PARD3B: variants seen among roughly 807,000 people sequenced by gnomAD.
PARD3B encodes par-3 family cell polarity regulator beta.
A neutral mutation model predicts 130.2 loss-of-function variants in PARD3B; 103 were observed. That is an observed-to-expected ratio of 0.79 (90% confidence interval 0.67 to 0.93). The LOEUF (loss-of-function observed/expected upper bound fraction) is 0.93. PARD3B is among the 40% of genes least tolerant of loss of function. PARD3B has a pLI of 0.00. For synonymous variants in PARD3B, 583 were observed against 553.2 expected, an observed-to-expected ratio of 1.05 and a Z score of -0.76; for missense variants, 1,609 against 1,499.2, an observed-to-expected ratio of 1.07 and a Z score of -1.21.
chr2:204,750,551 A>G (rs376388051), intron 2 of PARD3B, among the ~76,000 whole-genome samples: 5 of 152,266 alleles, frequency 3.3e-5, no homozygotes, highest in African/African-American at 9.6e-5. Flanking sequence ...GCACCACTGC[A>G]CTTCAGCCTT....
intron 2 of PARD3B, among the ~76,000 whole-genome samples, chr2:204,942,619 T>C (rs1470543621): frequency 2.0e-5 from 3 of 151,334 alleles, no homozygotes; most frequent in Non-Finnish European, 4.4e-5. Flanking sequence ...GTCATACAGG[T>C]ATTTAAAAAA....
At chr2:204,570,153 A>G (rs1187193535) in intron 1 of PARD3B, among the ~76,000 whole-genome samples, 2 of 152,222 alleles carry the variant, frequency 1.3e-5, no homozygotes, top group African/African-American at 4.8e-5. Context: ...TGAAGGCTAC[A>G]AAGTCACAAA....
chr2:204,566,656 CAT>C (rs2125063319), intron 1 of PARD3B, among the ~76,000 whole-genome samples: 1 of 152,242 alleles, frequency 6.6e-6, no homozygotes, highest in African/African-American at 2.4e-5. Context: ...TTGCGTAAGA[CAT>C]AGTATAAATT....
intron 4 of PARD3B, among the ~76,000 whole-genome samples, chr2:205,054,402 TTTTATATATA>T (rs1156522623): frequency 5.1e-5 from 2 of 39,286 alleles, no homozygotes; most frequent in African/African-American, 7.5e-5. Flanking sequence ...ATGACATGTC[TTTTATATATA>T]TATATATATA....
rs931451462 is a variant in PARD3B at position 205,078,180 on chromosome 2, A to C, written c.505-26246A>C. ...ATGAAAAGGTGCTTTTGTGTGGTTA[A>C]ATGTTTAACCTGAGCTAATTAGGAG... On this transcript the variant is annotated intron_variant, in intron 4 of 22. Transcript: ENST00000406610. This position sits in a 1 kb window ranked among gnomAD's most constrained non-coding sequence, Gnocchi z 4.0. Among the ~76,000 whole-genome samples the C allele has an allele frequency of 6.6e-6, 1 of 152,156 alleles. No homozygotes were observed. The highest frequency in any genetic ancestry group is 2.4e-5 in the African/African-American group (1 of 41,432).
At chr2:204,904,232 G>A (rs565572258) in intron 2 of PARD3B, among the ~76,000 whole-genome samples, 17 of 152,200 alleles carry the variant, frequency 1.1e-4, no homozygotes, top group Admixed American at 4.6e-4. Context: ...GATGGTTTCA[G>A]TAATTAAAAT....
At chr2:204,815,957 C>T (rs988253292) in intron 2 of PARD3B, among the ~76,000 whole-genome samples, 2 of 151,882 alleles carry the variant, frequency 1.3e-5, no homozygotes, top group Admixed American at 6.6e-5. Context: ...GATACCAATT[C>T]GGTTACATTG....
chr2:204,574,580 A>G (rs1191867163), intron 1 of PARD3B, among the ~76,000 whole-genome samples: 2 of 152,238 alleles, frequency 1.3e-5, no homozygotes, highest in East Asian at 3.8e-4. Context: ...AAGATTTTCT[A>G]GATTGAAGTA....
At chr2:204,771,606 C>G (rs892128193) in intron 2 of PARD3B, among the ~76,000 whole-genome samples, 1 of 152,034 alleles carries the variant, frequency 6.6e-6, no homozygotes, top group Non-Finnish European at 1.5e-5. Context: ...AATAGAAGCC[C>G]AAACATCAGC....
At chr2:204,780,590 T>C (rs1322493550) in intron 2 of PARD3B, among the ~76,000 whole-genome samples, 1 of 152,190 alleles carries the variant, frequency 6.6e-6, no homozygotes, top group Non-Finnish European at 1.5e-5. Context: ...TCACAAACAA[T>C]CTCTTTTTCC....
At chr2:204,709,002 G>A (rs1031137143) in intron 2 of PARD3B, among the ~76,000 whole-genome samples, 3 of 152,140 alleles carry the variant, frequency 2.0e-5, no homozygotes, top group Non-Finnish European at 4.4e-5. Context: ...TTCTAATTTA[G>A]CATAGTACAT....
intron 1 of PARD3B, among the ~76,000 whole-genome samples, chr2:204,646,243 A>G (rs1442622679): frequency 6.6e-6 from 1 of 152,102 alleles, no homozygotes; most frequent in Non-Finnish European, 1.5e-5. Flanking sequence ...CTCACGTGCC[A>G]CTGCTGAAAC....
chr2:205,503,573 T>C (rs2050238526), intron 21 of PARD3B, among the ~76,000 whole-genome samples: 1 of 152,282 alleles, frequency 6.6e-6, no homozygotes, highest in Non-Finnish European at 1.5e-5. Context: ...TTGGTTACTG[T>C]AGCCTTGTAG....
chr2:205,574,696 G>T (rs764734116), intron 22 of PARD3B, among the ~76,000 whole-genome samples: 20 of 152,010 alleles, frequency 1.3e-4, no homozygotes, highest in Admixed American at 8.5e-4. Flanking sequence ...AGGAGACAAA[G>T]CCCTTCCCTT....
rs1575552794 is a variant in PARD3B, at chr2:205,011,896, AT to A, written c.395-35682del. Among the ~76,000 whole-genome samples the A allele has an allele frequency of 6.6e-6, 1 of 151,994 alleles. No homozygotes were observed. Among genetic ancestry groups the A allele is most frequent in the East Asian group, 1.9e-4 (1 of 5,172 alleles). ...AGCCTACCCAGAAAATGCAACTCTG[AT>A]TTGTACAAGGAGGAGAGAAGAGAAT... On this transcript the variant is annotated intron_variant, in intron 3 of 22. Coordinates refer to ENST00000406610, the MANE Select transcript of PARD3B (RefSeq NM_001302769.2). The surrounding 1 kb of genome is among the most constrained non-coding windows in gnomAD (Gnocchi z 4.1).
intron 6 of PARD3B, among the ~76,000 whole-genome samples, chr2:205,117,915 G>GTACACACACACACA (rs1553617389): frequency 7.5e-6 from 1 of 133,500 alleles, no homozygotes; most frequent in Non-Finnish European, 1.6e-5. Context: ...ATGTATGTGT[G>GTACACACACACACA]TACACACACA....
At chr2:205,118,142 G>A (rs533024365) in intron 6 of PARD3B, among the ~76,000 whole-genome samples, 15 of 152,262 alleles carry the variant, frequency 9.9e-5, no homozygotes, top group African/African-American at 3.6e-4. Flanking sequence ...CGGAAGCGGG[G>A]TCTGCTAGAT....
At position 205,325,741 on chromosome 2, in the gene PARD3B, A is replaced by T. The variant is rs1030990873; in HGVS notation, c.2630+24040A>T. On this transcript the variant is annotated intron_variant, in intron 18 of 22. Coordinates refer to ENST00000406610, the MANE Select transcript of PARD3B (RefSeq NM_001302769.2). This position sits in a 1 kb window ranked among gnomAD's most constrained non-coding sequence, Gnocchi z 4.1. ...AGACATCCTATCTAGTAATAAGATA[A>T]GTAATTTTACTGGTGTCACTTTGGA... Among the ~76,000 whole-genome samples, 1 of 152,196 alleles carries T rather than the reference A, an allele frequency of 6.6e-6. No individual in the cohort carries two copies. Among genetic ancestry groups the T allele is most frequent in the Non-Finnish European group, 1.5e-5 (1 of 68,038 alleles).
chr2:205,279,070 CAAAAAAAAAAAA>C (rs57717513), intron 16 of PARD3B, among the ~76,000 whole-genome samples: 4 of 38,868 alleles, frequency 1.0e-4, no homozygotes, highest in African/African-American at 2.9e-4. Flanking sequence ...GAATCTGTCT[CAAAAAAAAAAAA>C]AAAAAAAAAA....
Sources: allele counts gnomAD v4.1 joint callset (sites outside exome capture counted in the v4.1 genomes callset), GRCh38; gene constraint gnomAD v4.1.1; non-coding constraint Gnocchi (gnomAD v3.1); transcripts MANE v1.5; gene names NCBI Gene and HGNC (gene_info 2026-07-23, HGNC 2026-07-21).